KCNN2: variants seen among roughly 807,000 people sequenced by gnomAD.
KCNN2 encodes small conductance calcium-activated potassium channel protein 2.
In KCNN2, 24 loss-of-function variants were observed where a neutral mutation model predicts 55.5. The ratio of observed to expected loss-of-function variants is 0.43; its 90% CI spans 0.31 to 0.61. KCNN2 has a LOEUF of 0.61. Ranked by LOEUF, KCNN2 falls within the 20% of genes least tolerant of loss-of-function variation. The pLI is 0.08. For synonymous variants in KCNN2, 431 were observed against 336.1 expected, an observed-to-expected ratio of 1.28 and a Z score of -3.09; for missense variants, 754 against 853.6, an observed-to-expected ratio of 0.88 and a Z score of 1.45.
chr5:114,079,564 A>G (rs1561466463), intron 1 of KCNN2, among the ~76,000 whole-genome samples: 1 of 152,184 alleles, frequency 6.6e-6, no homozygotes, highest in Non-Finnish European at 1.5e-5. Context: ...TAGGATAGAT[A>G]TAATAATGCC....
chr5:114,321,972 C>T (rs1756621926), intron 2 of KCNN2, among the ~76,000 whole-genome samples: 1 of 152,142 alleles, frequency 6.6e-6, no homozygotes, highest in African/African-American at 2.4e-5. Context: ...TTCACAGAAG[C>T]TGTGAAGATG....
intron 1 of KCNN2, among the ~76,000 whole-genome samples, chr5:114,192,368 A>G (rs781436080): frequency 3.9e-5 from 6 of 152,182 alleles, no homozygotes; most frequent in Non-Finnish European, 7.4e-5. Context: ...CTCTGAGTAC[A>G]TCGAACCTTA....
At chr5:114,421,415 C>T (rs968918227) in intron 3 of KCNN2, among the ~76,000 whole-genome samples, 33 of 151,358 alleles carry the variant, frequency 2.2e-4, no homozygotes, top group Admixed American at 9.2e-4. Context: ...CTCAGCCTCC[C>T]GAGTAGCTGG....
At chr5:114,482,714 A>ATC (rs1444030925) in intron 5 of KCNN2, among the ~76,000 whole-genome samples, 1 of 152,170 alleles carries the variant, frequency 6.6e-6, no homozygotes, top group Non-Finnish European at 1.5e-5. Context: ...GAACAAGATC[A>ATC]TCTCCTTTGC....
intron 1 of KCNN2, among the ~76,000 whole-genome samples, chr5:114,083,662 CA>C (rs777682780): frequency 2.6e-4 from 40 of 152,190 alleles, no homozygotes; most frequent in Admixed American, 5.2e-4. Flanking sequence ...TGGTTTGTTA[CA>C]ATTTATGAAC....
chr5:114,463,500 A>T (rs1234658673), intron 4 of KCNN2, among the ~76,000 whole-genome samples: 8 of 152,242 alleles, frequency 5.3e-5, no homozygotes, highest in Non-Finnish European at 1.2e-4. Flanking sequence ...GTGTCCTCCC[A>T]TCTCCTACTA....
At chr5:114,071,438 G>T (rs1750567229) in intron 1 of KCNN2, among the ~76,000 whole-genome samples, 1 of 152,168 alleles carries the variant, frequency 6.6e-6, no homozygotes, top group South Asian at 2.1e-4. Context: ...AAAAACTTAG[G>T]TCACATGCTT....
intron 2 of KCNN2, among the ~76,000 whole-genome samples, chr5:114,346,506 T>G (rs1757105278): frequency 1.3e-5 from 2 of 152,180 alleles, no homozygotes; most frequent in South Asian, 4.2e-4. Flanking sequence ...GATGTTTCGT[T>G]GTTAAAGGAA....
At chr5:114,415,398 T>A (rs1224529495) in intron 3 of KCNN2, among the ~76,000 whole-genome samples, 1 of 152,238 alleles carries the variant, frequency 6.6e-6, no homozygotes, top group Non-Finnish European at 1.5e-5. Flanking sequence ...TTTTATCACA[T>A]CCTTGACAAC....
intron 3 of KCNN2, among the ~76,000 whole-genome samples, chr5:114,448,696 A>G (rs950354062): frequency 2.6e-5 from 4 of 152,250 alleles, no homozygotes; most frequent in Non-Finnish European, 2.9e-5. Context: ...GAATAATGCA[A>G]TGACATTCAG....
intron 2 of KCNN2, among the ~76,000 whole-genome samples, chr5:114,286,861 T>G (rs924355041): frequency 6.6e-6 from 1 of 152,214 alleles, no homozygotes; most frequent in Non-Finnish European, 1.5e-5. Flanking sequence ...AAATGGTTAA[T>G]TTGAACTGCC....
intron 1 of KCNN2, among the ~76,000 whole-genome samples, chr5:114,162,659 G>A (rs1752813692): frequency 6.6e-6 from 1 of 152,164 alleles, no homozygotes. Context: ...CCCAGTTTGA[G>A]CTTCCTGGTC....
intron 1 of KCNN2, among the ~76,000 whole-genome samples, chr5:114,114,387 C>T (rs1200682599): frequency 1.3e-5 from 2 of 152,040 alleles, no homozygotes; most frequent in East Asian, 3.9e-4. Context: ...ACCACTATGC[C>T]CAGCTAAATT....
At chr5:114,218,087 A>G (rs1167648694) in intron 1 of KCNN2, among the ~76,000 whole-genome samples, 2 of 152,360 alleles carry the variant, frequency 1.3e-5, no homozygotes, top group East Asian at 3.9e-4. Context: ...CAGAATGCTG[A>G]CAATACCAAA....
intron 1 of KCNN2, among the ~76,000 whole-genome samples, chr5:114,163,228 G>C (rs10075909): frequency 1.3e-5 from 2 of 151,956 alleles, no homozygotes; most frequent in African/African-American, 4.8e-5. Context: ...GGATCATGTC[G>C]TCTGCAAACA....
chr5:114,156,104 T>C (rs141508778), intron 1 of KCNN2, among the ~76,000 whole-genome samples: 3,751 of 152,328 alleles, frequency 0.025, 146 homozygotes, highest in African/African-American at 0.085. Context: ...TGCATATGGC[T>C]AGCCAGTTAT....
At chr5:114,096,706 TTC>T (rs1407761977) in intron 1 of KCNN2, among the ~76,000 whole-genome samples, 1 of 152,152 alleles carries the variant, frequency 6.6e-6, no homozygotes, top group Non-Finnish European at 1.5e-5. Flanking sequence ...CCTGCATAAC[TTC>T]TCTTCCCCAC....
chr5:114,138,127 A>G (rs530431852), intron 1 of KCNN2, among the ~76,000 whole-genome samples: 1 of 152,250 alleles, frequency 6.6e-6, no homozygotes, highest in South Asian at 2.1e-4. Flanking sequence ...TGTTTATTGT[A>G]AAAAACAAAC....
chr5:114,335,856 A>C (rs920870909), intron 2 of KCNN2, among the ~76,000 whole-genome samples: 1 of 152,178 alleles, frequency 6.6e-6, no homozygotes, highest in Non-Finnish European at 1.5e-5. Context: ...GAGCTTCAAG[A>C]AATGGAGGAT....
Sources: allele counts gnomAD v4.1 joint callset (sites outside exome capture counted in the v4.1 genomes callset), GRCh38; gene constraint gnomAD v4.1.1; transcripts MANE v1.5; gene names NCBI Gene and HGNC (gene_info 2026-07-23, HGNC 2026-07-21).